The following TTC23L variants were observed in gnomAD, a reference collection of about 807,000 sequenced individuals.
TTC23L encodes tetratricopeptide repeat domain 23 like, also known as tetratricopeptide repeat protein 23-like.
In TTC23L, 42 loss-of-function variants were observed where a neutral mutation model predicts 48.1. The ratio of observed to expected loss-of-function variants is 0.87; its 90% CI spans 0.68 to 1.13. The LOEUF is 1.13. Ranked by LOEUF, TTC23L falls within the 50% of genes most tolerant of loss-of-function variation. TTC23L has a pLI of 0.00. For missense variants in TTC23L, 391 were observed against 421.0 expected, an observed-to-expected ratio of 0.93 and a Z score of 0.62; for synonymous variants, 159 against 157.2, an observed-to-expected ratio of 1.01 and a Z score of -0.09.
chr5:34,860,713 T>G (rs1041779909), intron 4 of TTC23L: 2 of 152,228 alleles, frequency 1.3e-5, no homozygotes, highest in African/African-American at 4.8e-5. Context: ...TTCTTGTCTC[T>G]GGATCACTTT....
the TTC23L span, among the ~76,000 whole-genome samples, chr5:34,914,205 T>C: frequency 1.3e-5 from 2 of 152,198 alleles, no homozygotes; most frequent in African/African-American, 4.8e-5. Context: ...TCTTTAGTAA[T>C]AGCATATCGC....
At chr5:34,921,503 C>T in the TTC23L span, 2 of 152,228 alleles carry the variant, frequency 1.3e-5, no homozygotes, top group Non-Finnish European at 2.9e-5. Context: ...ATAAGATTGG[C>T]TAAGAAGATT....
chr5:34,904,209 G>A (rs140492102), downstream of TTC23L, among the ~76,000 whole-genome samples: 180 of 151,564 alleles, frequency 1.2e-3, no homozygotes, highest in African/African-American at 4.2e-3. Flanking sequence ...GGCTAAAATG[G>A]TCCTCCTGCC....
At chr5:34,887,019 G>A (rs769689665) in intron 9 of TTC23L, among the ~76,000 whole-genome samples, 1 of 152,200 alleles carries the variant, frequency 6.6e-6, no homozygotes, top group African/African-American at 2.4e-5. Context: ...AGGTGGGGAT[G>A]TCTCTACATA....
At chr5:34,880,405 G>A in intron 9 of TTC23L, 97 bp downstream of exon 9, 4 of 1,299,608 alleles carry the variant, frequency 3.1e-6, no homozygotes, top group Non-Finnish European at 4.2e-6. Flanking sequence ...GATCAGATAG[G>A]TCCCAGATAA....
At chr5:34,888,502 T>C in intron 9 of TTC23L, 1 of 985,186 alleles carries the variant, frequency 1.0e-6, no homozygotes, top group Non-Finnish European at 1.2e-6. Context: ...ACAGTAGAAG[T>C]AGGGAGACAA....
chr5:34,854,606 G>A (rs1215563036), intron 4 of TTC23L, among the ~76,000 whole-genome samples: 2 of 152,104 alleles, frequency 1.3e-5, no homozygotes, highest in Non-Finnish European at 2.9e-5. Context: ...TCCTGTGTAG[G>A]CGGATGTGTG....
At chr5:34,883,819 C>T (rs775884028) in intron 9 of TTC23L, among the ~76,000 whole-genome samples, 1 of 152,126 alleles carries the variant, frequency 6.6e-6, no homozygotes, top group Non-Finnish European at 1.5e-5. Flanking sequence ...GTGAATTCTA[C>T]CAAACATTTA....
chr5:34,906,056 G>A, the TTC23L span: 2 of 152,188 alleles, frequency 1.3e-5, no homozygotes, highest in East Asian at 1.9e-4. Context: ...CCAGTTTCAA[G>A]TGATTCTCTT....
intron 10 of TTC23L, among the ~76,000 whole-genome samples, chr5:34,897,394 A>T (rs893749989): frequency 3.3e-5 from 5 of 150,288 alleles, no homozygotes; most frequent in Admixed American, 2.0e-4. Flanking sequence ...AAAGAAAAAT[A>T]AAAAAAAAAT....
At chr5:34,877,776 C>G (rs1761960610) in intron 8 of TTC23L, among the ~76,000 whole-genome samples, 1 of 152,110 alleles carries the variant, frequency 6.6e-6, no homozygotes, top group Non-Finnish European at 1.5e-5. Context: ...AGACTGGGAA[C>G]AAGACAGTTT....
chr5:34,863,073 C>T lies in TTC23L; in HGVS notation c.536+19C>T. The T allele has an allele frequency of 1.9e-6, 3 of 1,613,442 alleles. No individual in the cohort carries two copies. Among genetic ancestry groups the T allele is most frequent in the Non-Finnish European group, 2.5e-6 (3 of 1,179,536 alleles). On this transcript the variant is annotated intron_variant, in intron 5 of 10. Coordinates refer to ENST00000505624, the Ensembl canonical transcript of TTC23L. This position sits in a 1 kb window ranked among gnomAD's most constrained non-coding sequence, Gnocchi z 4.1. ...AGAACCGATATCCTTCCATTCCTAGCTGCGTTTAGTGTTCGGGGCCACAGG... is the reference window on the plus strand; with the variant it reads ...AGAACCGATATCCTTCCATTCCTAGTTGCGTTTAGTGTTCGGGGCCACAGG...
chr5:34,858,578 C>G (rs1760315654), intron 4 of TTC23L, among the ~76,000 whole-genome samples: 1 of 151,826 alleles, frequency 6.6e-6, no homozygotes, highest in Non-Finnish European at 1.5e-5. Flanking sequence ...CTTAAGCAAA[C>G]AATCAATTAC....
At chr5:34,903,449 G>A (rs1468751761), downstream of TTC23L, among the ~76,000 whole-genome samples, 4 of 151,980 alleles carry the variant, frequency 2.6e-5, no homozygotes, top group Admixed American at 2.6e-4. Context: ...CGGTACATTT[G>A]TGACAACTGA....
chr5:34,906,588 GT>G, the TTC23L span: 4 of 152,114 alleles, frequency 2.6e-5, no homozygotes, highest in African/African-American at 9.7e-5. Flanking sequence ...GGAGTGAACT[GT>G]AATCCTACAA....
the TTC23L span, chr5:34,909,326 G>A: frequency 6.2e-7 from 1 of 1,609,522 alleles, no homozygotes. Flanking sequence ...AGTCAAGGTG[G>A]GAACTTCCTG....
the TTC23L span, chr5:34,909,076 C>G: frequency 9.5e-7 from 1 of 1,050,424 alleles, no homozygotes; most frequent in Non-Finnish European, 1.4e-6. Context: ...CTAATATTTT[C>G]TGTTTTAAAA....
the TTC23L span, among the ~76,000 whole-genome samples, chr5:34,917,399 C>T: frequency 1.3e-5 from 2 of 151,656 alleles, no homozygotes; most frequent in Non-Finnish European, 2.9e-5. Flanking sequence ...TTTGGGAGGC[C>T]GAGGCGGGTG....
At chr5:34,885,970 GT>G (rs1360843134) in intron 9 of TTC23L, among the ~76,000 whole-genome samples, 1 of 151,984 alleles carries the variant, frequency 6.6e-6, no homozygotes, top group Non-Finnish European at 1.5e-5. Context: ...TTTTCTGAAG[GT>G]TTGAAAAAAA....
Sources: gnomAD v4.1 joint callset for allele counts (sites outside exome capture counted in the v4.1 genomes callset) on GRCh38, gnomAD v4.1.1 for gene constraint, Gnocchi (gnomAD v3.1) non-coding constraint, MANE v1.5 for transcripts, NCBI Gene and HGNC (gene_info 2026-07-23, HGNC 2026-07-21) for gene names.